HPCAL1: variants seen among roughly 807,000 people sequenced by gnomAD.
HPCAL1 encodes hippocalcin like 1.
In HPCAL1, 8 loss-of-function variants were observed where a neutral mutation model predicts 17.1. That is an observed-to-expected ratio of 0.47 (90% CI 0.27 to 0.84). HPCAL1 has a LOEUF of 0.84. Among genes scored for constraint, HPCAL1 ranks in the 40% least tolerant of loss-of-function variants. The pLI is 0.13. For synonymous variants in HPCAL1, 112 were observed against 111.4 expected, an observed-to-expected ratio of 1.01 and a Z score of -0.03; for missense variants, 165 against 271.1, an observed-to-expected ratio of 0.61 and a Z score of 2.75.
At position 10,331,656 on chromosome 2, in the gene HPCAL1, C is replaced by G. The variant is rs188993957; in HGVS notation, c.-111+28479C>G. 4.6e-5 allele frequency among the ~76,000 whole-genome samples: 7 copies of G among 152,288 alleles called. No individual in the cohort carries two copies. The highest frequency in any genetic ancestry group is 1.7e-4 in the African/African-American group (7 of 41,556). On this transcript the variant is annotated intron_variant, in intron 1 of 4. Transcript: ENST00000307845. This position sits in a 1 kb window ranked among gnomAD's most constrained non-coding sequence, Gnocchi z 5.0. ...GGATGGGTGTGAGGCTGTCTGCCCC[C>G]CACTGCACGCCCGGCTGTCAGAGGC...
intron 1 of HPCAL1, among the ~76,000 whole-genome samples, chr2:10,318,579 C>A (rs140533133): frequency 6.6e-6 from 1 of 152,318 alleles, no homozygotes; most frequent in African/African-American, 2.4e-5. Flanking sequence ...AAGTGACAGA[C>A]TCCAGCCTCC....
intron 1 of HPCAL1, among the ~76,000 whole-genome samples, chr2:10,358,480 C>G (rs1666318383): frequency 6.6e-6 from 1 of 152,176 alleles, no homozygotes; most frequent in Non-Finnish European, 1.5e-5. Context: ...TGCTGCATTT[C>G]CCAAGACCAC....
chr2:10,317,714 G>A (rs1663409135), intron 1 of HPCAL1, among the ~76,000 whole-genome samples: 1 of 152,196 alleles, frequency 6.6e-6, no homozygotes, highest in Non-Finnish European at 1.5e-5. Context: ...CACCATGCTC[G>A]GCCTCAACAA....
intron 1 of HPCAL1, among the ~76,000 whole-genome samples, chr2:10,326,065 T>C (rs1272970306): frequency 2.6e-5 from 4 of 152,168 alleles, no homozygotes; most frequent in Non-Finnish European, 5.9e-5. Flanking sequence ...GATTCAAGGA[T>C]GGTGTTCGTC....
intron 2 of HPCAL1, among the ~76,000 whole-genome samples, chr2:10,409,910 C>T (rs1670238658): frequency 6.6e-6 from 1 of 151,460 alleles, no homozygotes; most frequent in Admixed American, 6.6e-5. Context: ...CCGTCTCAAC[C>T]TCCCGAGTAG....
chr2:10,358,983 C>G (rs1666357861), intron 1 of HPCAL1, among the ~76,000 whole-genome samples: 1 of 152,170 alleles, frequency 6.6e-6, no homozygotes, highest in Non-Finnish European at 1.5e-5. Context: ...CTCCTAGACA[C>G]TACCATGGGG....
rs534534022 is a variant in HPCAL1, at chr2:10,367,249, C to A, written c.-110-29586C>A. On this transcript the variant is annotated intron_variant, in intron 1 of 4. Transcript: ENST00000307845. The surrounding 1 kb of genome is among the most constrained non-coding windows in gnomAD (Gnocchi z 4.4). ...AGATATTTAATATACAGATGACGGG[C>A]GGATGGTAGTGTTGTTTTAAGGGGG... is the stretch of plus-strand genomic sequence containing the variant. 6.6e-6 allele frequency among the ~76,000 whole-genome samples: 1 copy of A among 151,786 alleles called. No individual in the cohort carries two copies. The highest frequency in any genetic ancestry group is 2.4e-5 in the African/African-American group (1 of 41,280).
intron 3 of HPCAL1, among the ~76,000 whole-genome samples, chr2:10,420,950 G>A (rs970540473): frequency 5.9e-5 from 9 of 152,072 alleles, no homozygotes; most frequent in African/African-American, 2.2e-4. Flanking sequence ...TAGTAGAGAC[G>A]AGGTTTCACC....
intron 1 of HPCAL1, among the ~76,000 whole-genome samples, chr2:10,368,129 T>G (rs1212279773): frequency 1.3e-5 from 2 of 151,998 alleles, no homozygotes; most frequent in African/African-American, 2.4e-5. Flanking sequence ...TATAGGTGTG[T>G]GCATGTGTGC....
chr2:10,373,405 C>T (rs899675137), intron 1 of HPCAL1, among the ~76,000 whole-genome samples: 21 of 152,070 alleles, frequency 1.4e-4, no homozygotes, highest in African/African-American at 4.1e-4. Context: ...GGGTCACAGA[C>T]GCCCGGAAGC....
chr2:10,414,132 T>C (rs1279400070), intron 2 of HPCAL1, among the ~76,000 whole-genome samples: 1 of 152,250 alleles, frequency 6.6e-6, no homozygotes, highest in Non-Finnish European at 1.5e-5. Context: ...ATAGGTAAAG[T>C]ATCTGACAAA....
rs570814104 is a variant in HPCAL1 at position 10,426,868 on chromosome 2, C to T, written c.*47C>T. 1.4e-5 allele frequency: 21 copies of T among 1,523,274 alleles called. No homozygotes were observed. Among genetic ancestry groups the T allele is most frequent in the African/African-American group, 1.4e-4 (10 of 73,204 alleles). 94.4% of individuals were successfully genotyped at this position (1,523,274 alleles called of 1,614,324 possible). On this transcript the variant is annotated 3_prime_UTR_variant, in exon 5 of 5. Transcript: ENST00000307845. ...GCAGAGAAACACAGGCTTGTCGTGC[C>T]GTTTAAGCTTTGCTTGCAAGAGTGG... is the stretch of plus-strand genomic sequence containing the variant.
rs189320121 is a variant in HPCAL1, at chr2:10,365,612, C to T, written c.-110-31223C>T. ...TATGATGTCCCGCCCAACCCCCGAC[C>T]GCACACCTCCCTCCCCCTTAGCTGC... is the stretch of plus-strand genomic sequence containing the variant. On this transcript the variant is annotated intron_variant, in intron 1 of 4. Coordinates refer to ENST00000307845, the MANE Select transcript of HPCAL1 (RefSeq NM_002149.4). The surrounding 1 kb of genome is among the most constrained non-coding windows in gnomAD (Gnocchi z 4.8). Among the ~76,000 whole-genome samples the T allele has an allele frequency of 3.9e-4, 60 of 152,178 alleles. No homozygotes were observed. The highest frequency in any genetic ancestry group is 3.4e-3 in the Middle Eastern group (1 of 294).
chr2:10,305,000 C>T lies in HPCAL1; in HGVS notation c.-111+1823C>T, dbSNP rs1275617354. Among the ~76,000 whole-genome samples the T allele has an allele frequency of 6.6e-6, 1 of 152,124 alleles. No homozygotes were observed. The highest frequency in any genetic ancestry group is 2.4e-5 in the African/African-American group (1 of 41,424). On this transcript the variant is annotated intron_variant, in intron 1 of 4. Transcript: ENST00000307845. The surrounding 1 kb of genome is among the most constrained non-coding windows in gnomAD (Gnocchi z 4.1). ...AGGAGCCAGGGATAGAAACCTGGTC[C>T]GGTTCCTTTGGTTTCCCTCGGCCGA...
intron 1 of HPCAL1, among the ~76,000 whole-genome samples, chr2:10,378,120 C>T (rs188180522): frequency 2.0e-5 from 3 of 150,896 alleles, no homozygotes; most frequent in East Asian, 2.0e-4. Flanking sequence ...TAGGACATGG[C>T]GGGACCCTAA....
chr2:10,396,510 AC>A (rs1332722279), intron 1 of HPCAL1, among the ~76,000 whole-genome samples: 1 of 152,158 alleles, frequency 6.6e-6, no homozygotes, highest in African/African-American at 2.4e-5. Context: ...GAGTTTGTGG[AC>A]CACAGAGGTC....
chr2:10,330,725 C>T lies in HPCAL1; in HGVS notation c.-111+27548C>T, dbSNP rs1664310431. 6.6e-6 allele frequency among the ~76,000 whole-genome samples: 1 copy of T among 152,188 alleles called. No homozygotes were observed. Among genetic ancestry groups the T allele is most frequent in the Non-Finnish European group, 1.5e-5 (1 of 68,032 alleles). ...TCCCTGTGTCCAAATACAGTCACATCTGGAGGTAGTAAGGATTGGGGCTTC... is the reference window on the plus strand; with the variant it reads ...TCCCTGTGTCCAAATACAGTCACATTTGGAGGTAGTAAGGATTGGGGCTTC... On this transcript the variant is annotated intron_variant, in intron 1 of 4. Coordinates refer to ENST00000307845, the MANE Select transcript of HPCAL1 (RefSeq NM_002149.4). The surrounding 1 kb of genome is among the most constrained non-coding windows in gnomAD (Gnocchi z 4.2).
At chr2:10,366,293 T>C (rs554030026) in intron 1 of HPCAL1, among the ~76,000 whole-genome samples, 1 of 152,306 alleles carries the variant, frequency 6.6e-6, no homozygotes, top group South Asian at 2.1e-4. Context: ...TGGAGTGCAG[T>C]GGTGCGATCT....
intron 1 of HPCAL1, among the ~76,000 whole-genome samples, chr2:10,336,169 C>G (rs146852306): frequency 0.061 from 7,104 of 117,184 alleles, 776 homozygotes; most frequent in African/African-American, 0.12. Context: ...GTATCCTCTG[C>G]TGTAAATTAA....
Sources: allele counts gnomAD v4.1 joint callset (sites outside exome capture counted in the v4.1 genomes callset), GRCh38; gene constraint gnomAD v4.1.1; non-coding constraint Gnocchi (gnomAD v3.1); transcripts MANE v1.5; gene names NCBI Gene and HGNC (gene_info 2026-07-23, HGNC 2026-07-21).